PDE5A: variants seen among roughly 807,000 people sequenced by gnomAD.
PDE5A encodes phosphodiesterase 5A.
In PDE5A, 67 loss-of-function variants were observed where a neutral mutation model predicts 110.2. The observed-to-expected ratio is 0.61, with a 90% confidence interval of 0.50 to 0.75. PDE5A has a LOEUF of 0.75. PDE5A is among the 30% of genes least tolerant of loss of function. PDE5A has a pLI of 0.00. For missense variants in PDE5A, 862 were observed against 1,045.1 expected, an observed-to-expected ratio of 0.82 and a Z score of 2.42; for synonymous variants, 328 against 351.2, an observed-to-expected ratio of 0.93 and a Z score of 0.74.
At chr4:119,625,471 G>A (rs1730313589) in intron 1 of PDE5A, among the ~76,000 whole-genome samples, 1 of 150,110 alleles carries the variant, frequency 6.7e-6, no homozygotes, top group Non-Finnish European at 1.5e-5. Flanking sequence ...AGATCATTTA[G>A]TCTGAGAAAA....
intron 3 of PDE5A, among the ~76,000 whole-genome samples, chr4:119,578,290 C>A (rs1471366327): frequency 6.6e-6 from 1 of 152,146 alleles, no homozygotes; most frequent in East Asian, 1.9e-4. Context: ...TCAATGCCAT[C>A]CCCATCAAGC....
chr4:119,593,453 T>C (rs1401819904), intron 3 of PDE5A, among the ~76,000 whole-genome samples: 1 of 152,188 alleles, frequency 6.6e-6, no homozygotes, highest in African/African-American at 2.4e-5. Context: ...CTCACACCCA[T>C]TAGGCTAAGT....
rs201243863 is a variant in PDE5A, at chr4:119,628,521, T to G, written c.151A>C (p.Arg51=). 2 of 1,573,478 alleles carry G rather than the reference T, an allele frequency of 1.3e-6. No individual in the cohort carries two copies. The highest frequency in any genetic ancestry group is 2.7e-5 in the African/African-American group (2 of 74,174). The change falls in exon 1 of 21, where the codon AGA becomes CGA. Residue 51 remains arginine (R), a splice_region_variant and synonymous_variant. Coordinates refer to ENST00000354960, the MANE Select transcript of PDE5A (RefSeq NM_001083.4). ...TFSYFVRKAT[R]EMVNAWFAER... is the part of the protein sequence containing the mutation. ...GTCTTCCGTGGGTCCTCTTCTTACC[T>G]GGTGGCTTTTCTAACAAAGTATGAG...
rs534246221 is a variant in PDE5A, at chr4:119,581,509, G to A, written c.832-14365C>T. ...TCATATGGAGAACATAGTTTATTAT[G>A]TTCTCATAGCCAAAACATAATTTCA... is the stretch of plus-strand genomic sequence containing the variant. On this transcript the variant is annotated intron_variant, in intron 3 of 20. Coordinates refer to ENST00000354960, the MANE Select transcript of PDE5A (RefSeq NM_001083.4). Among the ~76,000 whole-genome samples the A allele has an allele frequency of 1.7e-4, 26 of 152,132 alleles. 1 individual carries two copies. The highest frequency in any genetic ancestry group is 3.7e-4 in the Non-Finnish European group (25 of 68,010).
In PDE5A at chr4:119,606,969, T is replaced by A. The variant is rs1170406212; in HGVS notation, c.481A>T (p.Ser161Cys). Residue 161 changes from serine to cysteine, a missense_variant, in exon 2 of 21, where the codon AGT becomes TGT. Physicochemically the swap from Ser to Cys is moderately radical, Grantham distance 112. Transcript: ENST00000354960. ...RLLELVKDIS[S>C]HLDVTALCHK... ...CATAAGGCTGTGACATCCAAATGAC[T>A]AGAAATATCCTTCACTAATTCCAAG... 6.2e-7 allele frequency: 1 copy of A among 1,614,192 alleles called. No individual in the cohort carries two copies. The highest frequency in any genetic ancestry group is 2.2e-5 in the East Asian group (1 of 44,884).
Position 119,502,604 on chromosome 4 carries a change from TTC to T in PDE5A, c.2381_2382del (p.Arg794LysfsTer9), listed in dbSNP as rs775343739. On this transcript the variant is annotated frameshift_variant, in exon 19 of 21. Coordinates refer to ENST00000354960, the MANE Select transcript of PDE5A (RefSeq NM_001083.4). LOFTEE classifies it high-confidence loss of function. ...ACAGTGGGTTCTATGTTGAGTTCTT[TTC>T]TCTCTCTGTCTCCTTGATCAAAAAA... ...TEFFDQGDRE[R>X]KELNIEPTDL... The T allele has an allele frequency of 2.5e-6, 4 of 1,604,918 alleles. No individual in the cohort carries two copies. The highest frequency in any genetic ancestry group is 1.3e-5 in the African/African-American group (1 of 74,748).
intron 11 of PDE5A, among the ~76,000 whole-genome samples, chr4:119,528,236 A>AC (rs1294270794): frequency 6.6e-6 from 1 of 151,944 alleles, no homozygotes; most frequent in African/African-American, 2.4e-5. Flanking sequence ...CTTTTCTAAT[A>AC]CCATGGCCCT....
Position 119,573,330 on chromosome 4 carries a change from T to C in PDE5A, c.832-6186A>G, listed in dbSNP as rs114897465. On this transcript the variant is annotated intron_variant, in intron 3 of 20. Coordinates refer to ENST00000354960, the MANE Select transcript of PDE5A (RefSeq NM_001083.4). ...AAGAGTCTCCATTAACCTCACATCC[T>C]TATCAGCATCTGGTGTTATCAGACT... 7.5e-3 allele frequency among the ~76,000 whole-genome samples: 1,148 copies of C among 152,350 alleles called. 14 individuals carry two copies. The highest frequency in any genetic ancestry group is 0.026 in the African/African-American group (1,083 of 41,582).
chr4:119,523,870 A>G (rs74821224), intron 12 of PDE5A, among the ~76,000 whole-genome samples: 3,518 of 152,170 alleles, frequency 0.023, 137 homozygotes, highest in African/African-American at 0.08. Context: ...TTGAGATACT[A>G]TATAGGTTTA....
Position 119,606,842 on chromosome 4 carries a change from C to A in PDE5A, c.608G>T (p.Arg203Leu). The A allele has an allele frequency of 1.2e-6, 2 of 1,614,082 alleles. No homozygotes were observed. Among genetic ancestry groups the A allele is most frequent in the Non-Finnish European group, 1.7e-6 (2 of 1,179,976 alleles). The change falls in exon 2 of 21, where the codon CGC becomes CTC. Residue 203 changes from arginine (R) to leucine (L), a missense_variant. Physicochemically the swap from Arg to Leu is moderately radical, Grantham distance 102. Transcript: ENST00000354960. ...TGAACCTTCAGCAACATCAAAGAGG[C>A]GGCTGATAAGAAACTTGTCATTGGA... ...DSSNDKFLISRLFDVAEGSTL... is the reference protein window; with the variant it reads ...DSSNDKFLISLLFDVAEGSTL...
chr4:119,500,413 C>CTGTT (rs1725261236), intron 20 of PDE5A: 1 of 151,696 alleles, frequency 6.6e-6, no homozygotes, highest in Admixed American at 6.6e-5. Flanking sequence ...CACTAACCAC[C>CTGTT]TGTTTGGGGC....
chr4:119,622,957 C>T (rs7672519), intron 1 of PDE5A, among the ~76,000 whole-genome samples: 69,995 of 148,850 alleles, frequency 0.47, 16,768 homozygotes, highest in South Asian at 0.64. Flanking sequence ...ACTCAGTTTG[C>T]TTTACCTACC....
intron 1 of PDE5A, among the ~76,000 whole-genome samples, chr4:119,610,211 C>G (rs769732871): frequency 1.3e-5 from 2 of 152,188 alleles, no homozygotes; most frequent in Non-Finnish European, 2.9e-5. Context: ...GTGACACACT[C>G]TGGGATTTGC....
intron 7 of PDE5A, among the ~76,000 whole-genome samples, chr4:119,556,267 G>A (rs1006083093): frequency 1.3e-5 from 2 of 152,212 alleles, no homozygotes; most frequent in African/African-American, 4.8e-5. Context: ...GGATGTAAGA[G>A]TAAATGTCTG....
intron 14 of PDE5A, among the ~76,000 whole-genome samples, chr4:119,514,579 A>G (rs988825759): frequency 6.6e-6 from 1 of 150,566 alleles, no homozygotes; most frequent in African/African-American, 2.5e-5. Context: ...GAATTCTCTG[A>G]CCTCCTTGAC....
intron 12 of PDE5A, among the ~76,000 whole-genome samples, chr4:119,522,669 T>A (rs1383096638): frequency 1.3e-5 from 2 of 152,092 alleles, no homozygotes; most frequent in Non-Finnish European, 2.9e-5. Flanking sequence ...CTAATAGAAT[T>A]GGATAACCCA....
intron 11 of PDE5A, among the ~76,000 whole-genome samples, chr4:119,531,138 A>G (rs181763155): frequency 4.3e-4 from 66 of 152,258 alleles, no homozygotes; most frequent in African/African-American, 1.4e-3. Context: ...ATTGTTCCCC[A>G]TAAGTAGAGA....
At chr4:119,617,069 TTAA>T (rs1368206226) in intron 1 of PDE5A, among the ~76,000 whole-genome samples, 6 of 152,164 alleles carry the variant, frequency 3.9e-5, no homozygotes, top group Non-Finnish European at 8.8e-5. Flanking sequence ...TATAAATTGA[TTAA>T]TAATATTCAT....
intron 6 of PDE5A, among the ~76,000 whole-genome samples, chr4:119,561,084 G>A (rs868476422): frequency 2.0e-5 from 3 of 152,158 alleles, no homozygotes; most frequent in Admixed American, 6.5e-5. Flanking sequence ...TGGTGAGATC[G>A]TGCCACTGCA....
Sources: allele counts gnomAD v4.1 joint callset (sites outside exome capture counted in the v4.1 genomes callset), GRCh38; gene constraint gnomAD v4.1.1; transcripts MANE v1.5; gene names NCBI Gene and HGNC (gene_info 2026-07-23, HGNC 2026-07-21).